The following LARGE1 variants were observed in gnomAD, a reference collection of about 807,000 sequenced individuals.
LARGE1 encodes xylosyl- and glucuronyltransferase LARGE1.
In LARGE1, 43 loss-of-function variants were observed where a neutral mutation model predicts 87.6. That is an observed-to-expected ratio of 0.49 (90% CI 0.38 to 0.63). The LOEUF (loss-of-function observed/expected upper bound fraction) is 0.63. Ranked by LOEUF, LARGE1 falls within the 30% of genes least tolerant of loss-of-function variation. LARGE1 has a pLI of 0.00. For missense variants in LARGE1, 802 were observed against 1,000.2 expected (o/e 0.80, Z 2.67); for synonymous variants, 434 against 394.6 (o/e 1.10, Z -1.18).
chr22:33,610,306 C>T (rs1268087358), intron 4 of LARGE1, among the ~76,000 whole-genome samples: 1 of 152,178 alleles, frequency 6.6e-6, no homozygotes, highest in Non-Finnish European at 1.5e-5. Flanking sequence ...GACCAAAATG[C>T]AGATAGTGAT....
chr22:33,891,221 C>T (rs1291733736), intron 1 of LARGE1, among the ~76,000 whole-genome samples: 3 of 152,192 alleles, frequency 2.0e-5, no homozygotes, highest in Non-Finnish European at 4.4e-5. Flanking sequence ...CTGTGCTCTA[C>T]CAAATGCCTA....
chr22:33,816,896 G>A (rs1471310429), intron 1 of LARGE1, among the ~76,000 whole-genome samples: 1 of 152,100 alleles, frequency 6.6e-6, no homozygotes, highest in Non-Finnish European at 1.5e-5. Flanking sequence ...CTAACGCACT[G>A]CCAACCTCCT....
At position 33,626,294 on chromosome 22, in the gene LARGE1, G is replaced by T; in HGVS notation, c.441C>A (p.Tyr147Ter). 1 of 1,614,088 alleles carries T rather than the reference G, an allele frequency of 6.2e-7. No individual in the cohort carries two copies. The highest frequency in any genetic ancestry group is 8.5e-7 in the Non-Finnish European group (1 of 1,179,978). Residue 147 changes from tyrosine (Y) to a stop codon, truncating the protein, a stop_gained, in exon 4 of 15, where the codon TAC becomes TAA. Coordinates refer to ENST00000397394, the MANE Select transcript of LARGE1 (RefSeq NM_133642.5). LOFTEE classifies it high-confidence loss of function. ...GGGTGACGACATCCCGGCTGGCATT[G>T]TATCCGGCGCAGACAATAGCAACGT... ...TIHVAIVCAG[Y>*]NASRDVVTLV...
intron 11 of LARGE1, among the ~76,000 whole-genome samples, chr22:33,217,939 T>C (rs1568977776): frequency 6.8e-6 from 1 of 146,734 alleles, no homozygotes; most frequent in African/African-American, 2.5e-5. Context: ...TTTTTTTTTC[T>C]TTTTTTTTTA....
At chr22:33,456,348 G>A (rs2068130332) in intron 6 of LARGE1, among the ~76,000 whole-genome samples, 1 of 152,012 alleles carries the variant, frequency 6.6e-6, no homozygotes, top group African/African-American at 2.4e-5. Flanking sequence ...CTGACCTACC[G>A]TATTTGCTGT....
At chr22:33,278,587 ACG>A (rs1491387940) in intron 13 of LARGE1, among the ~76,000 whole-genome samples, 44 of 151,616 alleles carry the variant, frequency 2.9e-4, no homozygotes, top group African/African-American at 1.0e-3. Flanking sequence ...ACACACACAC[ACG>A]CAGATATTGT....
At chr22:33,874,176 C>T (rs2064392725) in intron 1 of LARGE1, among the ~76,000 whole-genome samples, 1 of 152,184 alleles carries the variant, frequency 6.6e-6, no homozygotes, top group South Asian at 2.1e-4. Flanking sequence ...TCCTTTGTGA[C>T]AGCCTGACTG....
At chr22:33,371,967 G>C (rs991909392) in intron 9 of LARGE1, among the ~76,000 whole-genome samples, 6 of 148,990 alleles carry the variant, frequency 4.0e-5, no homozygotes, top group African/African-American at 1.5e-4. Flanking sequence ...CTGGGCGACA[G>C]AGCGAGACTC....
downstream of LARGE1, among the ~76,000 whole-genome samples, chr22:33,269,140 A>C (rs950504792): frequency 7.9e-5 from 12 of 152,236 alleles, no homozygotes; most frequent in Non-Finnish European, 1.3e-4. Context: ...TGGTATCTAC[A>C]ATTCATTTTC....
At chr22:33,578,607 T>A (rs2078421533) in intron 5 of LARGE1, among the ~76,000 whole-genome samples, 1 of 152,252 alleles carries the variant, frequency 6.6e-6, no homozygotes, top group Non-Finnish European at 1.5e-5. Context: ...CAATAACCTT[T>A]ATTACTGTGT....
intron 8 of LARGE1, among the ~76,000 whole-genome samples, chr22:33,383,140 C>G (rs1026501361): frequency 2.6e-5 from 4 of 152,102 alleles, no homozygotes; most frequent in African/African-American, 4.8e-5. Flanking sequence ...ATCTTCGTGC[C>G]TGAAGACAGC....
At chr22:33,303,817 G>GGA (rs1266483161) in intron 12 of LARGE1, among the ~76,000 whole-genome samples, 3 of 150,544 alleles carry the variant, frequency 2.0e-5, no homozygotes, top group African/African-American at 7.4e-5. Context: ...TAGGGGGGGG[G>GGA]TTTCACCATG....
chr22:33,262,800 CTTCCTTCCTTCT>C (rs1417603807), intron 11 of LARGE1, among the ~76,000 whole-genome samples: 2 of 146,024 alleles, frequency 1.4e-5, no homozygotes, highest in East Asian at 4.0e-4. Context: ...CCTTTCCTTC[CTTCCTTCCTTCT>C]TTCCTTCCTG....
At chr22:33,309,140 G>A (rs1038700004) in intron 11 of LARGE1, among the ~76,000 whole-genome samples, 1 of 151,970 alleles carries the variant, frequency 6.6e-6, no homozygotes, top group African/African-American at 2.4e-5. Flanking sequence ...TAGGTCATGA[G>A]GGTGGAACTC....
chr22:33,067,715 C>G, the LARGE1 span, among the ~76,000 whole-genome samples: 1 of 152,210 alleles, frequency 6.6e-6, no homozygotes, highest in Non-Finnish European at 1.5e-5. Context: ...GGTGCAGTGG[C>G]TCATGCCTGT....
At chr22:33,436,625 T>C (rs1005652867) in intron 6 of LARGE1, 2 of 153,524 alleles carry the variant, frequency 1.3e-5, no homozygotes, top group Admixed American at 1.3e-4. Flanking sequence ...TGGTGACAGT[T>C]ATCTGACTGG....
intron 1 of LARGE1, among the ~76,000 whole-genome samples, chr22:33,844,388 G>C (rs1192625401): frequency 6.6e-6 from 1 of 152,198 alleles, no homozygotes; most frequent in Non-Finnish European, 1.5e-5. Flanking sequence ...TAAAGAGCAA[G>C]CTGGGAGCTG....
intron 11 of LARGE1, among the ~76,000 whole-genome samples, chr22:33,235,657 C>T (rs1336052752): frequency 3.3e-5 from 5 of 152,122 alleles, no homozygotes; most frequent in African/African-American, 7.2e-5. Flanking sequence ...GTAGCCTCTC[C>T]GGGTGGCATG....
chr22:33,900,641 C>G (rs986464463), intron 1 of LARGE1, among the ~76,000 whole-genome samples: 20 of 152,140 alleles, frequency 1.3e-4, no homozygotes, highest in African/African-American at 4.6e-4. Context: ...AGTCCTAACC[C>G]CTGGTACCTC....
Sources: allele counts gnomAD v4.1 joint callset (sites outside exome capture counted in the v4.1 genomes callset), GRCh38; gene constraint gnomAD v4.1.1; transcripts MANE v1.5; gene names NCBI Gene and HGNC (gene_info 2026-07-23, HGNC 2026-07-21).